The following ANKS1B variants were observed in gnomAD, a reference collection of about 807,000 sequenced individuals.
The protein encoded by ANKS1B is ankyrin repeat and sterile alpha motif domain-containing protein 1B.
ANKS1B carries 36 observed loss-of-function variants against 148.3 expected under a neutral mutation model. The observed-to-expected ratio is 0.24, with a 90% CI of 0.19 to 0.32. The LOEUF (loss-of-function observed/expected upper bound fraction) is 0.32. Among genes scored for constraint, ANKS1B ranks in the 10% least tolerant of loss-of-function variants. ANKS1B has a pLI of 1.00. For synonymous variants in ANKS1B, 542 were observed against 560.8 expected, an observed-to-expected ratio of 0.97 and a Z score of 0.47; for missense variants, 1,157 against 1,542.6, an observed-to-expected ratio of 0.75 and a Z score of 4.19.
At chr12:98,807,499 G>C (rs1287553683) in intron 20 of ANKS1B, among the ~76,000 whole-genome samples, 1 of 150,916 alleles carries the variant, frequency 6.6e-6, no homozygotes, top group African/African-American at 2.5e-5. Flanking sequence ...GAATAATGCT[G>C]ATATATACAT....
At chr12:98,814,013 T>C (rs1447332514) in intron 19 of ANKS1B, among the ~76,000 whole-genome samples, 1 of 152,066 alleles carries the variant, frequency 6.6e-6, no homozygotes, top group Non-Finnish European at 1.5e-5. Flanking sequence ...CTTGAGTAGC[T>C]GGCATTACAG....
intron 17 of ANKS1B, among the ~76,000 whole-genome samples, chr12:98,865,268 C>A (rs781321593): frequency 2.0e-5 from 3 of 152,188 alleles, no homozygotes; most frequent in Non-Finnish European, 4.4e-5. Context: ...GAACTCATCA[C>A]CTTCCCCACT....
At chr12:99,544,587 C>T (rs1283654910) in intron 9 of ANKS1B, among the ~76,000 whole-genome samples, 2 of 152,176 alleles carry the variant, frequency 1.3e-5, no homozygotes, top group Non-Finnish European at 2.9e-5. Context: ...TTCATTGCCA[C>T]TGCCTATGAG....
intron 9 of ANKS1B, among the ~76,000 whole-genome samples, chr12:99,523,521 A>T (rs2096895783): frequency 6.6e-6 from 1 of 151,638 alleles, no homozygotes; most frequent in African/African-American, 2.4e-5. Context: ...TGGAGTCTTC[A>T]AGGCTAGCCT....
At chr12:98,959,134 G>A (rs1328659120) in intron 17 of ANKS1B, among the ~76,000 whole-genome samples, 5 of 152,146 alleles carry the variant, frequency 3.3e-5, no homozygotes, top group African/African-American at 1.2e-4. Flanking sequence ...TGGTGTAAAT[G>A]TTTTCAGGGT....
intron 9 of ANKS1B, chr12:99,648,840 G>T: frequency 6.4e-7 from 1 of 1,551,362 alleles, no homozygotes; most frequent in Non-Finnish European, 8.7e-7. Context: ...GGGGAGAGCA[G>T]GTACAGGTCC....
chr12:98,953,359 A>G (rs2099856919), intron 17 of ANKS1B, among the ~76,000 whole-genome samples: 1 of 151,084 alleles, frequency 6.6e-6, no homozygotes, highest in African/African-American at 2.4e-5. Context: ...TCTTATGTTG[A>G]CCAGGCTGGT....
At chr12:98,947,883 A>G (rs1209464488) in intron 17 of ANKS1B, among the ~76,000 whole-genome samples, 1 of 152,144 alleles carries the variant, frequency 6.6e-6, no homozygotes, top group Non-Finnish European at 1.5e-5. Flanking sequence ...TTTTGACTCC[A>G]ATTTTCCTGA....
chr12:99,260,990 T>C (rs534987867), intron 12 of ANKS1B, among the ~76,000 whole-genome samples: 25 of 152,268 alleles, frequency 1.6e-4, no homozygotes, highest in Non-Finnish European at 2.2e-4. Context: ...TTTCCATGCA[T>C]AGGAAAAAAC....
intron 17 of ANKS1B, among the ~76,000 whole-genome samples, chr12:98,896,026 CACTT>C (rs1252563548): frequency 6.6e-6 from 1 of 152,288 alleles, no homozygotes; most frequent in East Asian, 1.9e-4. Flanking sequence ...GTGAGTTGCT[CACTT>C]AGTCTGGGGT....
rs565024555 is a variant in ANKS1B at position 99,189,901 on chromosome 12, C to T, written c.2420-35506G>A. On this transcript the variant is annotated intron_variant, in intron 14 of 26. Coordinates refer to ENST00000683438, the MANE Select transcript of ANKS1B (RefSeq NM_001352186.2). Reference sequence around the variant, plus strand: ...AAATAGGAAGAGAGGAAGTCAAATGCCTCTGTTTGCAGATGATATGACTGT... The same window carrying T: ...AAATAGGAAGAGAGGAAGTCAAATGTCTCTGTTTGCAGATGATATGACTGT... Among the ~76,000 whole-genome samples the T allele has an allele frequency of 4.6e-5, 7 of 152,128 alleles. No homozygotes were observed. In the East Asian group the frequency reaches 1.4e-3, roughly 29 times the overall value.
chr12:99,319,830 C>T (rs1053291737), intron 12 of ANKS1B, among the ~76,000 whole-genome samples: 12 of 152,086 alleles, frequency 7.9e-5, no homozygotes, highest in Admixed American at 6.5e-4. Context: ...TGGCTGGTAC[C>T]GGTTGTTCCT....
At chr12:99,496,145 T>G (rs1056678827) in intron 10 of ANKS1B, among the ~76,000 whole-genome samples, 3 of 152,208 alleles carry the variant, frequency 2.0e-5, no homozygotes, top group African/African-American at 7.2e-5. Context: ...AAATTGCTCA[T>G]TAATCAAAAT....
intron 15 of ANKS1B, among the ~76,000 whole-genome samples, chr12:99,138,792 C>T (rs543322748): frequency 6.6e-6 from 1 of 152,242 alleles, no homozygotes; most frequent in Non-Finnish European, 1.5e-5. Flanking sequence ...GTCCTTCACC[C>T]CGTTCTTTAC....
chr12:99,151,118 C>T (rs1345882259), intron 15 of ANKS1B, among the ~76,000 whole-genome samples: 2 of 152,038 alleles, frequency 1.3e-5, no homozygotes, highest in Non-Finnish European at 2.9e-5. Context: ...AAATGAAATA[C>T]ACAAAGGAAA....
intron 8 of ANKS1B, among the ~76,000 whole-genome samples, chr12:99,768,761 G>A (rs1041511835): frequency 6.6e-6 from 1 of 150,868 alleles, no homozygotes; most frequent in African/African-American, 2.4e-5. Flanking sequence ...CGGAGGCGGA[G>A]GTTGCAGTGA....
chr12:99,823,127 T>C (rs544673846), intron 2 of ANKS1B, among the ~76,000 whole-genome samples: 1 of 152,334 alleles, frequency 6.6e-6, no homozygotes, highest in African/African-American at 2.4e-5. Context: ...TGAGTACTTT[T>C]TAATGGGATT....
intron 9 of ANKS1B, 47 bp downstream of exon 9, chr12:99,655,020 G>T: frequency 6.6e-7 from 1 of 1,524,540 alleles, no homozygotes; most frequent in Non-Finnish European, 8.8e-7. Flanking sequence ...TAAAAACATA[G>T]GCAACCATTT....
intron 17 of ANKS1B, among the ~76,000 whole-genome samples, chr12:98,885,668 C>T (rs928385230): frequency 2.0e-5 from 3 of 152,164 alleles, no homozygotes; most frequent in Non-Finnish European, 4.4e-5. Flanking sequence ...CTCCACCACC[C>T]CCCTTGCCCG....
Sources: allele counts gnomAD v4.1 joint callset (sites outside exome capture counted in the v4.1 genomes callset), GRCh38; gene constraint gnomAD v4.1.1; transcripts MANE v1.5; gene names NCBI Gene and HGNC (gene_info 2026-07-23, HGNC 2026-07-21).